Variants in HUNK observed in about 807,000 individuals in gnomAD.
The protein encoded by HUNK is hormonally up-regulated Neu-associated kinase, also known as hormonally up-regulated neu tumor-associated kinase.
HUNK carries 21 observed loss-of-function variants against 61.0 expected under a neutral mutation model. That is an observed-to-expected ratio of 0.34 (90% CI 0.24 to 0.50). The LOEUF (loss-of-function observed/expected upper bound fraction) is 0.50. Among genes scored for constraint, HUNK ranks in the 20% least tolerant of loss-of-function variants. The probability of loss-of-function intolerance (pLI) is 0.98; values close to 1 mark genes in which losing one functional copy is unlikely to be tolerated. For missense variants in HUNK, 772 were observed against 945.7 expected (o/e 0.82, Z 2.41); for synonymous variants, 371 against 386.1 (o/e 0.96, Z 0.46).
chr21:31,886,984 C>G (rs566965665), intron 1 of HUNK, among the ~76,000 whole-genome samples: 3 of 152,182 alleles, frequency 2.0e-5, no homozygotes, highest in Non-Finnish European at 4.4e-5. Flanking sequence ...CTTCCCAAGA[C>G]ATGTGGACAG....
intron 2 of HUNK, among the ~76,000 whole-genome samples, chr21:31,929,806 C>T (rs2052684854): frequency 6.6e-6 from 1 of 152,224 alleles, no homozygotes; most frequent in Non-Finnish European, 1.5e-5. Flanking sequence ...GAGAAAAGGG[C>T]TCTCTGCGCT....
At chr21:31,927,913 T>C (rs2052671985) in intron 2 of HUNK, among the ~76,000 whole-genome samples, 2 of 152,242 alleles carry the variant, frequency 1.3e-5, no homozygotes, top group South Asian at 4.1e-4. Context: ...TTCTTAGTCA[T>C]GCATGTTGTC....
At position 31,964,380 on chromosome 21, in the gene HUNK, A is replaced by G. The variant is rs1021087013; in HGVS notation, c.875-3870A>G. Among the ~76,000 whole-genome samples the G allele has an allele frequency of 5.9e-5, 9 of 152,358 alleles. No individual in the cohort carries two copies. In the East Asian group the frequency reaches 1.5e-3, roughly 26 times the overall value. On this transcript the variant is annotated intron_variant, in intron 5 of 10. Transcript: ENST00000270112. ...GTGAAAAGTCTGATGACAGACCTGC[A>G]GCCCTTTCACTTGGTACAGTGTTCA... is the stretch of plus-strand genomic sequence containing the variant.
At chr21:31,941,407 A>G (rs2052767811) in intron 3 of HUNK, among the ~76,000 whole-genome samples, 1 of 151,658 alleles carries the variant, frequency 6.6e-6, no homozygotes, top group Non-Finnish European at 1.5e-5. Flanking sequence ...CCCGGGTTCA[A>G]GCGATTCTCC....
chr21:31,969,750 A>G (rs1014466157), intron 6 of HUNK, among the ~76,000 whole-genome samples: 3 of 151,712 alleles, frequency 2.0e-5, no homozygotes, highest in Admixed American at 1.3e-4. Flanking sequence ...ATTTTTCTTC[A>G]GAGACAGGGT....
Position 31,999,829 on chromosome 21 carries a change from G to T in HUNK, c.*645G>T, listed in dbSNP as rs1271241048. ...AGCAAGATTTTGATAGATTTTTGTT[G>T]TTGTTGTTGTTGAAACATGCTAATG... On this transcript the variant is annotated 3_prime_UTR_variant, in exon 11 of 11. Coordinates refer to ENST00000270112, the MANE Select transcript of HUNK (RefSeq NM_014586.2). 1 of 202,354 alleles carries T rather than the reference G, an allele frequency of 4.9e-6. No homozygotes were observed. The highest frequency in any genetic ancestry group is 2.3e-5 in the African/African-American group (1 of 43,508). 12.5% of individuals were successfully genotyped at this position (202,354 alleles called of 1,614,324 possible).
chr21:31,875,364 C>T (rs2052253254), intron 1 of HUNK, among the ~76,000 whole-genome samples: 1 of 152,164 alleles, frequency 6.6e-6, no homozygotes, highest in African/African-American at 2.4e-5. Context: ...CCCTGTGTTC[C>T]CTACAGCCGT....
At chr21:31,893,038 C>T (rs1309234982) in intron 1 of HUNK, among the ~76,000 whole-genome samples, 1 of 152,148 alleles carries the variant, frequency 6.6e-6, no homozygotes, top group African/African-American at 2.4e-5. Flanking sequence ...GTCTTCCCTC[C>T]ACCCGTCTAC....
At chr21:31,939,720 T>G (rs796368296) in intron 2 of HUNK, among the ~76,000 whole-genome samples, 1,616 of 106,024 alleles carry the variant, frequency 0.015, 12 homozygotes, top group African/African-American at 0.07. Context: ...ATGTGTTGTT[T>G]TTTTTTTTTT....
intron 5 of HUNK, among the ~76,000 whole-genome samples, chr21:31,965,272 G>A (rs527386539): frequency 4.0e-4 from 60 of 150,726 alleles, no homozygotes; most frequent in African/African-American, 1.4e-3. Flanking sequence ...ACAAAGAGGG[G>A]AACAATAGAC....
chr21:31,945,860 C>G (rs764138514), intron 3 of HUNK, among the ~76,000 whole-genome samples, 176 bp from the exon 4 acceptor site: 1 of 152,130 alleles, frequency 6.6e-6, no homozygotes, highest in East Asian at 1.9e-4. Context: ...CCTTGAGTCT[C>G]GTATCCAGAC....
intron 3 of HUNK, among the ~76,000 whole-genome samples, chr21:31,944,183 A>G (rs916086246): frequency 2.0e-5 from 3 of 152,206 alleles, no homozygotes; most frequent in Non-Finnish European, 4.4e-5. Flanking sequence ...GGGTTCAGGC[A>G]GTTCTCCTGC....
intron 7 of HUNK, among the ~76,000 whole-genome samples, chr21:31,979,435 GTCT>G (rs71320219): frequency 0.42 from 62,220 of 147,160 alleles, 13,239 homozygotes; most frequent in South Asian, 0.49. Flanking sequence ...CCATTTCTAT[GTCT>G]TCTTTTGAGA....
rs776354569 is a variant in HUNK at position 31,940,530 on chromosome 21, C to T, written c.610+310C>T. 6.6e-5 allele frequency among the ~76,000 whole-genome samples: 10 copies of T among 152,172 alleles called. No individual in the cohort carries two copies. The East Asian group carries it at 7.7e-4, about 12-fold the overall frequency. On this transcript the variant is annotated intron_variant, in intron 3 of 10. Coordinates refer to ENST00000270112, the MANE Select transcript of HUNK (RefSeq NM_014586.2). ...GGCTTAGAAATGCTTCCCATAGCTT[C>T]GCCATATCTCATTCCACTTCTTGGT...
chr21:31,896,051 CAG>C (rs1408825630), intron 1 of HUNK, among the ~76,000 whole-genome samples: 1 of 96,910 alleles, frequency 1.0e-5, no homozygotes, highest in Non-Finnish European at 2.0e-5. Flanking sequence ...TGCGCACACA[CAG>C]AGAGAGACTG....
chr21:31,931,559 C>T (rs894528679), intron 2 of HUNK, among the ~76,000 whole-genome samples: 8 of 152,072 alleles, frequency 5.3e-5, no homozygotes, highest in African/African-American at 7.2e-5. Context: ...ATGACTTGCC[C>T]GGGCCGGGTT....
intron 1 of HUNK, among the ~76,000 whole-genome samples, chr21:31,874,337 C>CG (rs571520534): frequency 0.066 from 2,625 of 39,672 alleles, 43 homozygotes; most frequent in East Asian, 0.14. Flanking sequence ...TGTCGGGGGG[C>CG]GGGGGGGGCA....
At chr21:31,972,681 G>A (rs1203121275) in intron 6 of HUNK, among the ~76,000 whole-genome samples, 2 of 152,190 alleles carry the variant, frequency 1.3e-5, no homozygotes, top group Non-Finnish European at 2.9e-5. Flanking sequence ...AAACAAACTT[G>A]TTATTAATAC....
intron 2 of HUNK, among the ~76,000 whole-genome samples, chr21:31,929,757 T>G (rs1419667467): frequency 1.3e-5 from 2 of 152,228 alleles, no homozygotes; most frequent in African/African-American, 4.8e-5. Context: ...GTCAACACCG[T>G]GGCTCCCAGG....
Sources: allele counts gnomAD v4.1 joint callset (sites outside exome capture counted in the v4.1 genomes callset), GRCh38; gene constraint gnomAD v4.1.1; transcripts MANE v1.5; gene names NCBI Gene and HGNC (gene_info 2026-07-23, HGNC 2026-07-21).